CABP2: variants seen among roughly 807,000 people sequenced by gnomAD.
The protein encoded by CABP2 is calcium-binding protein 2.
A neutral mutation model predicts 28.6 loss-of-function variants in CABP2; 25 were observed. The ratio of observed to expected loss-of-function variants is 0.87; its 90% CI spans 0.64 to 1.22. CABP2 has a LOEUF of 1.22. CABP2 is among the 50% of genes most tolerant of loss of function. The probability of loss-of-function intolerance (pLI) is 0.00; values close to 1 mark genes in which losing one functional copy is unlikely to be tolerated. For missense variants in CABP2, 310 were observed against 312.2 expected (o/e 0.99, Z 0.05); for synonymous variants, 138 against 126.0 (o/e 1.09, Z -0.64).
intron 1 of CABP2, 102 bp downstream of exon 1, chr11:67,523,183 C>T: frequency 1.1e-6 from 1 of 920,834 alleles, no homozygotes; most frequent in African/African-American, 1.7e-5. Context: ...CAGTGGGCAG[C>T]CCCCAACCCC....
chr11:67,518,939 G>T lies in CABP2; in HGVS notation c.*200C>A, dbSNP rs759389898. On this transcript the variant is annotated 3_prime_UTR_variant, in exon 7 of 7. Coordinates refer to ENST00000294288, the MANE Select transcript of CABP2 (RefSeq NM_016366.3). ...TCCCCAGGCTTGGAGATATTTTATT[G>T]TCAGAGAGACAGAGACAAGGCCAGG... 28 of 606,112 alleles carry T rather than the reference G, an allele frequency of 4.6e-5. No homozygotes were observed. The highest frequency in any genetic ancestry group is 8.3e-5 in the Non-Finnish European group (28 of 336,612). 37.5% of individuals were successfully genotyped at this position (606,112 alleles called of 1,614,324 possible). A position where few individuals can be genotyped will look rare whatever the true frequency, so the allele number is the denominator to read the frequency against.
rs1054195353 is a variant in CABP2 at position 67,521,941 on chromosome 11, CA to C, written c.244+10del. 1.2e-6 allele frequency: 2 copies of C among 1,607,322 alleles called. No homozygotes were observed. Among genetic ancestry groups the C allele is most frequent in the African/African-American group, 2.7e-5 (2 of 74,338 alleles). Reference sequence around the variant, plus strand: ...CCCTTCAGGGAACCAGTTCCTTCTCCAACCCTTTACCTTCAATCTCCTCGGG... The same window carrying C: ...CCCTTCAGGGAACCAGTTCCTTCTCCACCCTTTACCTTCAATCTCCTCGGG... On this transcript the variant is annotated intron_variant, in intron 3 of 6. Coordinates refer to ENST00000294288, the MANE Select transcript of CABP2 (RefSeq NM_016366.3).
chr11:67,522,257 G>A (rs1866758049), intron 2 of CABP2, among the ~76,000 whole-genome samples: 1 of 152,090 alleles, frequency 6.6e-6, no homozygotes, highest in Admixed American at 6.5e-5. Flanking sequence ...CTTTGCTGGT[G>A]GTGGATCTGG....
chr11:67,520,169 C>T lies in CABP2; in HGVS notation c.380-9G>A, dbSNP rs1323902388. The stretch of plus-strand genomic sequence containing the variant: ...GTCCACCTTTCCGCCACCTGGGGGT[C>T]CCGTCCATTACAGACCCAGGGCATC... On this transcript the variant is annotated splice_polypyrimidine_tract_variant and intron_variant, in intron 4 of 6. Transcript: ENST00000294288. 26 of 1,596,642 alleles carry T rather than the reference C, an allele frequency of 1.6e-5. No individual in the cohort carries two copies. Among genetic ancestry groups the T allele is most frequent in the Non-Finnish European group, 2.2e-5 (26 of 1,164,360 alleles).
intron 2 of CABP2, 84 bp from the exon 3 acceptor site, chr11:67,522,066 A>C (rs890378868): frequency 1.6e-6 from 2 of 1,278,372 alleles, no homozygotes; most frequent in Non-Finnish European, 2.2e-6. Flanking sequence ...CTCCCCACCC[A>C]GCCCCACAAT....
Position 67,521,526 on chromosome 11 carries a change from CG to C in CABP2, c.245-368del, listed in dbSNP as rs749253618. Among the ~76,000 whole-genome samples the C allele has an allele frequency of 3.0e-4, 45 of 152,302 alleles. 1 individual carries two copies. The highest frequency in any genetic ancestry group is 2.5e-3 in the East Asian group (13 of 5,190). On this transcript the variant is annotated intron_variant, in intron 3 of 6. Transcript: ENST00000294288. ...CCATCCCTCTACATGTGGCCTCCCCCGGCCCATTTGTCCCTTTCCTGGAGAG... is the reference window on the plus strand; with the variant it reads ...CCATCCCTCTACATGTGGCCTCCCCCGCCCATTTGTCCCTTTCCTGGAGAG...
chr11:67,521,582 T>A (rs1057103166), intron 3 of CABP2, among the ~76,000 whole-genome samples: 1 of 152,220 alleles, frequency 6.6e-6, no homozygotes, highest in Admixed American at 6.5e-5. Context: ...TGTAGCTGAC[T>A]AATTGACGTT....
At chr11:67,522,817 G>C in intron 1 of CABP2, 101 bp from the exon 2 acceptor site, 1 of 1,118,040 alleles carries the variant, frequency 8.9e-7, no homozygotes, top group South Asian at 1.6e-5. Flanking sequence ...TTTGGAGCCC[G>C]GCATGGGACA....
chr11:67,522,440 A>G, intron 2 of CABP2, 106 bp downstream of exon 2: 1 of 1,221,956 alleles, frequency 8.2e-7, no homozygotes, highest in Non-Finnish European at 1.2e-6. Context: ...GGAGAGGCAA[A>G]GCGAGGGGCA....
In CABP2 at chr11:67,521,029, T is replaced by G. The variant is rs1485468656; in HGVS notation, c.375A>C (p.Gln125His). ...TEMELIEISQ[Q>H]ISGGKVDFED... ...GGATGGGTCCGAGGCACATACTGAT[T>G]TGTTGTGAGATCTCGATGAGCTCCA... is the stretch of plus-strand genomic sequence containing the variant. The change falls in exon 4 of 7, where the codon CAA (glutamine) becomes CAC (histidine). Residue 125 changes from glutamine to histidine, a missense_variant. Transcript: ENST00000294288. The G allele has an allele frequency of 2.5e-6, 4 of 1,613,532 alleles. No homozygotes were observed. The highest frequency in any genetic ancestry group is 3.4e-6 in the Non-Finnish European group (4 of 1,179,770).
rs935871525 is a variant in CABP2, at chr11:67,519,830, G to A, written c.600C>T (p.Asp200=). ...CCAGACCGTCCCCATTGAGGTCCAC[G>A]TCCTGGAGGATCTCGTCCACCTCCC... The part of the protein sequence containing the change: ...SQREVDEILQ[D]VDLNGDGLVD... Residue 200 remains aspartate (D), a synonymous_variant, in exon 6 of 7, where the codon GAC becomes GAT. Transcript: ENST00000294288. The A allele has an allele frequency of 1.9e-6, 3 of 1,614,038 alleles. No individual in the cohort carries two copies. Among genetic ancestry groups the A allele is most frequent in the East Asian group, 2.2e-5 (1 of 44,882 alleles).
rs1027902688 is a variant in CABP2, at chr11:67,522,697, C to T, written c.62G>A (p.Gly21Asp). The T allele has an allele frequency of 1.7e-5, 26 of 1,510,350 alleles. No individual in the cohort carries two copies. Among genetic ancestry groups the T allele is most frequent in the Non-Finnish European group, 2.3e-5 (26 of 1,125,410 alleles). 93.6% of individuals were successfully genotyped at this position (1,510,350 alleles called of 1,614,324 possible). ...GGGGCAGGAGCCCCTTGGTGGGGAG[C>T]CGAGCCACTGCAAGGGGTCCTGCAG... ...RGPKDPLQWL[G>D]SPPRGSCPSP... The change falls in exon 2 of 7, where the codon GGC (glycine) becomes GAC (aspartate). Residue 21 changes from glycine (G) to aspartate (D), a missense_variant. Physicochemically the swap from Gly to Asp is moderately conservative, Grantham distance 94. Transcript: ENST00000294288.
In CABP2 at chr11:67,522,683, C is replaced by A. The variant is rs1217710255; in HGVS notation, c.76G>T (p.Gly26Cys). 2 of 1,524,320 alleles carry A rather than the reference C, an allele frequency of 1.3e-6. No homozygotes were observed. The highest frequency in any genetic ancestry group is 4.1e-5 in the Admixed American group (2 of 48,758). 94.4% of individuals were successfully genotyped at this position (1,524,320 alleles called of 1,614,324 possible). Residue 26 changes from glycine to cysteine, a missense_variant, in exon 2 of 7, where the codon GGC (glycine) becomes TGC (cysteine). Gly to Cys is a radical substitution (Grantham distance 159, BLOSUM62 -3). Transcript: ENST00000294288. ...CTGGAGCTGGGGCTGGGGCAGGAGC[C>A]CCTTGGTGGGGAGCCGAGCCACTGC... is the stretch of plus-strand genomic sequence containing the variant. The part of the protein sequence containing the change: ...PLQWLGSPPR[G>C]SCPSPSSSPK...
At chr11:67,523,159 A>G in intron 1 of CABP2, 126 bp downstream of exon 1, 1 of 725,596 alleles carries the variant, frequency 1.4e-6, no homozygotes, top group Non-Finnish European at 2.3e-6. Flanking sequence ...CAGGAAAAAA[A>G]TCTCCACCTG....
intron 5 of CABP2, 50 bp downstream of exon 5, chr11:67,520,001 A>T (rs779161732): frequency 6.3e-7 from 1 of 1,599,334 alleles, no homozygotes; most frequent in Non-Finnish European, 8.5e-7. Flanking sequence ...GCAGCCCCTC[A>T]CTCACGGCAG....
chr11:67,522,557 CG>C lies in CABP2; in HGVS notation c.201del (p.Ala68ProfsTer72), dbSNP rs1866762556. ...GTGGCCGTACATACGAGTTGGGTGG[CG>C]GCAATGCTGGGCCGCAGGAAGATGC... ...PACIFLRPSI[A>X]ATQLDRELRP... On this transcript the variant is annotated frameshift_variant, in exon 2 of 7. Transcript: ENST00000294288. LOFTEE classifies it high-confidence loss of function. 1 of 1,555,086 alleles carries C rather than the reference CG, an allele frequency of 6.4e-7. No homozygotes were observed. Among genetic ancestry groups the C allele is most frequent in the African/African-American group, 1.4e-5 (1 of 73,192 alleles).
chr11:67,523,019 G>T (rs1866772564), intron 1 of CABP2, among the ~76,000 whole-genome samples: 1 of 152,236 alleles, frequency 6.6e-6, no homozygotes, highest in Non-Finnish European at 1.5e-5. Flanking sequence ...ATGGAGGCTG[G>T]CTAGCAGAGA....
At chr11:67,520,886 A>G in intron 4 of CABP2, 139 bp downstream of exon 4, 2 of 870,238 alleles carry the variant, frequency 2.3e-6, no homozygotes, top group Middle Eastern at 7.3e-4. Flanking sequence ...AGAGGCAGAG[A>G]GCTTGCCTTG....
rs878929048 is a variant in CABP2, at chr11:67,519,780, C to A, written c.637+13G>T. 2 of 1,612,858 alleles carry A rather than the reference C, an allele frequency of 1.2e-6. No homozygotes were observed. The highest frequency in any genetic ancestry group is 1.1e-5 in the South Asian group (1 of 90,998). ...CTTCCAGGGCGTGTGTTGCTATGTG[C>A]GGCAGGGGGTACCTTCGAAGTCGAC... is the stretch of plus-strand genomic sequence containing the variant. On this transcript the variant is annotated intron_variant, in intron 6 of 6. Coordinates refer to ENST00000294288, the MANE Select transcript of CABP2 (RefSeq NM_016366.3).
Sources: allele counts gnomAD v4.1 joint callset (sites outside exome capture counted in the v4.1 genomes callset), GRCh38; gene constraint gnomAD v4.1.1; transcripts MANE v1.5; gene names NCBI Gene and HGNC (gene_info 2026-07-23, HGNC 2026-07-21).